The following COL22A1 variants were observed in gnomAD, a reference collection of about 807,000 sequenced individuals.
COL22A1 encodes the protein collagen type XXII alpha 1 chain, also known as collagen alpha-1(XXII) chain.
Under a neutral mutation model 248.9 loss-of-function variants are expected in COL22A1, and 221 were observed. The observed-to-expected ratio is 0.89, with a 90% CI of 0.80 to 0.99. The LOEUF (loss-of-function observed/expected upper bound fraction) is 0.99, where lower values mean the gene tolerates loss of function less well. COL22A1 is among the 50% of genes least tolerant of loss of function. COL22A1 has a pLI of 0.00. For missense variants in COL22A1, 2,240 were observed against 2,179.0 expected, an observed-to-expected ratio of 1.03 and a Z score of -0.56; for synonymous variants, 891 against 793.4, an observed-to-expected ratio of 1.12 and a Z score of -2.07.
At chr8:138,664,948 G>A (rs1184049531) in intron 41 of COL22A1, among the ~76,000 whole-genome samples, 1 of 152,104 alleles carries the variant, frequency 6.6e-6, no homozygotes, top group Non-Finnish European at 1.5e-5. Flanking sequence ...CCTCAGTCCA[G>A]TGCGCTCTGC....
chr8:138,721,974 G>T, intron 26 of COL22A1, 62 bp downstream of exon 26: 1 of 1,229,078 alleles, frequency 8.1e-7, no homozygotes, highest in Non-Finnish European at 1.2e-6. Context: ...CAACAATCAA[G>T]CATCTCTTTA....
intron 45 of COL22A1, among the ~76,000 whole-genome samples, chr8:138,651,325 G>C (rs986074642): frequency 6.6e-6 from 1 of 152,140 alleles, no homozygotes; most frequent in Non-Finnish European, 1.5e-5. Flanking sequence ...AGAGGACAGA[G>C]GTAGAATTAT....
At chr8:138,652,734 G>GTTTTTTTTTTTTTTTTTTTT (rs1564146836) in intron 45 of COL22A1, among the ~76,000 whole-genome samples, 5 of 45,914 alleles carry the variant, frequency 1.1e-4, no homozygotes, top group African/African-American at 1.8e-4. Flanking sequence ...TTCCTTTTCT[G>GTTTTTTTTTTTTTTTTTTTT]GTTTTTTTTT....
intron 41 of COL22A1, among the ~76,000 whole-genome samples, chr8:138,674,324 T>C (rs1426726509): frequency 6.6e-6 from 1 of 152,124 alleles, no homozygotes; most frequent in Non-Finnish European, 1.5e-5. Flanking sequence ...ACTTGACATG[T>C]ACCCACCCCC....
chr8:138,827,002 C>A (rs529326538), intron 5 of COL22A1, among the ~76,000 whole-genome samples: 2 of 152,188 alleles, frequency 1.3e-5, no homozygotes, highest in African/African-American at 2.4e-5. Context: ...AACATCAGCA[C>A]CTTCAAATCC....
rs1818373588 is a variant in COL22A1 at position 138,813,035 on chromosome 8, A to C, written c.1246-16T>G. 1 of 1,606,740 alleles carries C rather than the reference A, an allele frequency of 6.2e-7. No homozygotes were observed. ...GTAGGTCAAACTGGAAAGGAAAGCA[A>C]GGAGAGAGGATAAGTTTTAGGGACT... On this transcript the variant is annotated splice_polypyrimidine_tract_variant and intron_variant, in intron 7 of 64. Transcript: ENST00000303045.
At chr8:138,635,237 G>T (rs1433769487) in intron 48 of COL22A1, among the ~76,000 whole-genome samples, 174 bp from the exon 49 acceptor site, 4 of 152,050 alleles carry the variant, frequency 2.6e-5, no homozygotes, top group African/African-American at 9.7e-5. Flanking sequence ...AATAATAACT[G>T]ACAACATTTA....
intron 32 of COL22A1, 43 bp from the exon 33 acceptor site, chr8:138,694,922 C>G: frequency 1.3e-6 from 2 of 1,597,246 alleles, no homozygotes; most frequent in Non-Finnish European, 8.6e-7. Context: ...TCAGGGAGAA[C>G]TGCCCCTCGT....
rs139447874 is a variant in COL22A1, at chr8:138,688,158, T to C, written c.2862+759A>G. On this transcript the variant is annotated intron_variant, in intron 37 of 64. Transcript: ENST00000303045. ...GAATGGAACTTAAAAGGGTGTAGAT[T>C]CTCCTTCTTGGCCTCTGGGTTTTTT... Among the ~76,000 whole-genome samples, 582 of 122,952 alleles carry C rather than the reference T, an allele frequency of 4.7e-3. 3 individuals are homozygous for C. Among genetic ancestry groups the C allele is most frequent in the African/African-American group, 0.016 (541 of 33,048 alleles). 80.7% of individuals were successfully genotyped at this position (122,952 alleles called of 152,430 possible).
chr8:138,659,881 T>C (rs1296850247), intron 44 of COL22A1, among the ~76,000 whole-genome samples: 2 of 152,218 alleles, frequency 1.3e-5, no homozygotes, highest in African/African-American at 2.4e-5. Flanking sequence ...TTCTTCCATG[T>C]TAAACAGATG....
intron 60 of COL22A1, 136 bp from the exon 61 acceptor site, chr8:138,599,034 G>A: frequency 1.2e-6 from 1 of 826,266 alleles, no homozygotes; most frequent in Non-Finnish European, 2.0e-6. Flanking sequence ...CCCATGTGTG[G>A]CTTGGGGTGA....
At chr8:138,708,220 T>A (rs989698064) in intron 30 of COL22A1, among the ~76,000 whole-genome samples, 2 of 152,178 alleles carry the variant, frequency 1.3e-5, no homozygotes, top group Non-Finnish European at 2.9e-5. Context: ...CCTAAGGTAA[T>A]TTATAAATTC....
At chr8:138,896,890 T>G (rs531023409) in intron 1 of COL22A1, among the ~76,000 whole-genome samples, 4 of 151,820 alleles carry the variant, frequency 2.6e-5, no homozygotes, top group African/African-American at 9.7e-5. Flanking sequence ...GGAGAATCAC[T>G]TGAACTCGGG....
At chr8:138,642,901 C>T (rs1821840419) in intron 47 of COL22A1, among the ~76,000 whole-genome samples, 1 of 151,846 alleles carries the variant, frequency 6.6e-6, no homozygotes, top group South Asian at 2.1e-4. Context: ...TAGTGGCATG[C>T]ACCTGTAGTC....
chr8:138,811,747 C>T (rs902492571), intron 9 of COL22A1, 52 bp downstream of exon 9: 2 of 1,610,582 alleles, frequency 1.2e-6, no homozygotes, highest in East Asian at 2.2e-5. Flanking sequence ...GGGAAACTCC[C>T]ACTGCACCAC....
chr8:138,789,889 G>C (rs1815877241), intron 12 of COL22A1, among the ~76,000 whole-genome samples: 1 of 152,230 alleles, frequency 6.6e-6, no homozygotes, highest in Non-Finnish European at 1.5e-5. Flanking sequence ...ATTCTTCCCA[G>C]TACATGGCAC....
At chr8:138,606,733 A>G (rs1410700818) in intron 57 of COL22A1, among the ~76,000 whole-genome samples, 1 of 152,086 alleles carries the variant, frequency 6.6e-6, no homozygotes, top group African/African-American at 2.4e-5. Context: ...TTTAACAAAG[A>G]CCCTGAGATG....
intron 39 of COL22A1, 90 bp downstream of exon 39, chr8:138,684,335 G>A (rs2130851621): frequency 1.2e-6 from 1 of 832,260 alleles, no homozygotes; most frequent in Non-Finnish European, 2.1e-6. Flanking sequence ...AGTGGACTGA[G>A]GTAACCGGAG....
intron 60 of COL22A1, among the ~76,000 whole-genome samples, chr8:138,599,721 T>G (rs1009909509): frequency 2.0e-5 from 3 of 151,984 alleles, no homozygotes; most frequent in Non-Finnish European, 4.4e-5. Context: ...TGAGACTCTG[T>G]TTTTTAAAAA....
Sources: allele counts gnomAD v4.1 joint callset (sites outside exome capture counted in the v4.1 genomes callset), GRCh38; gene constraint gnomAD v4.1.1; transcripts MANE v1.5; gene names NCBI Gene and HGNC (gene_info 2026-07-23, HGNC 2026-07-21).